Variants in TPRG1 observed in about 807,000 individuals in gnomAD.
TPRG1 encodes the protein tumor protein p63 regulated 1.
A neutral mutation model predicts 29.3 loss-of-function variants in TPRG1; 29 were observed. That is an observed-to-expected ratio of 0.99 (90% confidence interval 0.74 to 1.35). The LOEUF (loss-of-function observed/expected upper bound fraction) is 1.35, where lower values mean the gene tolerates loss of function less well. TPRG1 is among the 40% of genes most tolerant of loss of function. The pLI is 0.00. For synonymous variants in TPRG1, 130 were observed against 116.8 expected (o/e 1.11, Z -0.73); for missense variants, 327 against 335.0 (o/e 0.98, Z 0.19).
intron 3 of TPRG1, among the ~76,000 whole-genome samples, chr3:189,022,210 C>G (rs1414634767): frequency 2.0e-5 from 3 of 152,110 alleles, no homozygotes; most frequent in Non-Finnish European, 4.4e-5. Context: ...ATTTGATCGT[C>G]TGAAGTCTTC....
chr3:189,198,248 G>C (rs931376284), intron 1 of TPRG1, among the ~76,000 whole-genome samples: 2 of 152,132 alleles, frequency 1.3e-5, no homozygotes, highest in Non-Finnish European at 2.9e-5. Context: ...TGTACAGTCA[G>C]CTCTGAGGTG....
At chr3:189,277,996 T>C (rs1216770973) in intron 4 of TPRG1, among the ~76,000 whole-genome samples, 2 of 152,218 alleles carry the variant, frequency 1.3e-5, no homozygotes, top group African/African-American at 4.8e-5. Flanking sequence ...TTTGTATCCA[T>C]AAGCACCTTT....
At chr3:189,166,491 C>G (rs377298029) in intron 5 of TPRG1, among the ~76,000 whole-genome samples, 18 of 152,130 alleles carry the variant, frequency 1.2e-4, no homozygotes, top group Non-Finnish European at 1.5e-5. Flanking sequence ...CAAAGGATAC[C>G]GAGGGAAACT....
At chr3:189,039,415 T>A (rs543901066) in intron 4 of TPRG1, among the ~76,000 whole-genome samples, 1 of 152,258 alleles carries the variant, frequency 6.6e-6, no homozygotes, top group South Asian at 2.1e-4. Flanking sequence ...ACATGAATGA[T>A]GTTAGAAATT....
chr3:189,187,785 T>C (rs1029405806), intron 1 of TPRG1, among the ~76,000 whole-genome samples: 4 of 152,228 alleles, frequency 2.6e-5, no homozygotes, highest in Non-Finnish European at 5.9e-5. Flanking sequence ...AATATGCTGG[T>C]CTATTTTGTG....
At chr3:189,069,000 G>C (rs1393784641) in intron 4 of TPRG1, among the ~76,000 whole-genome samples, 3 of 152,002 alleles carry the variant, frequency 2.0e-5, no homozygotes, top group Non-Finnish European at 4.4e-5. Flanking sequence ...TTACCAGATG[G>C]GCATTTATTC....
At chr3:189,234,618 C>G (rs1031902960) in intron 3 of TPRG1, among the ~76,000 whole-genome samples, 2 of 152,176 alleles carry the variant, frequency 1.3e-5, no homozygotes, top group East Asian at 1.9e-4. Flanking sequence ...GTTCCCCAAA[C>G]AGCATGAACC....
upstream of TPRG1, among the ~76,000 whole-genome samples, chr3:189,169,862 A>T (rs1728603102): frequency 6.6e-6 from 1 of 152,302 alleles, no homozygotes; most frequent in South Asian, 2.1e-4. Flanking sequence ...GCAGCTGAGC[A>T]GGGACCAGAG....
intron 1 of TPRG1, among the ~76,000 whole-genome samples, chr3:189,113,016 T>C (rs1720735400): frequency 6.6e-6 from 1 of 152,182 alleles, no homozygotes; most frequent in Non-Finnish European, 1.5e-5. Flanking sequence ...GAGCATGGAA[T>C]GTTCTTCCAT....
intron 1 of TPRG1, among the ~76,000 whole-genome samples, chr3:189,104,584 T>C (rs1367057309): frequency 6.6e-6 from 1 of 151,940 alleles, no homozygotes; most frequent in Non-Finnish European, 1.5e-5. Flanking sequence ...AAAGCCCCGA[T>C]TTGTACCTAT....
chr3:189,279,175 T>C (rs1263111768), intron 4 of TPRG1, among the ~76,000 whole-genome samples: 1 of 152,184 alleles, frequency 6.6e-6, no homozygotes, highest in Non-Finnish European at 1.5e-5. Flanking sequence ...TAAATCTTTA[T>C]TTACAATAAC....
At chr3:189,318,533 C>A (rs1723905855) in intron 5 of TPRG1, among the ~76,000 whole-genome samples, 1 of 152,036 alleles carries the variant, frequency 6.6e-6, no homozygotes, top group African/African-American at 2.4e-5. Flanking sequence ...AAGTGATTTT[C>A]ATTTAAAAAG....
intron 4 of TPRG1, among the ~76,000 whole-genome samples, chr3:189,301,847 C>T (rs1375115283): frequency 2.0e-5 from 3 of 152,188 alleles, no homozygotes; most frequent in Non-Finnish European, 2.9e-5. Flanking sequence ...ACTGACTCCT[C>T]AGTGACTCCT....
At chr3:189,173,004 C>G (rs979350712) in intron 1 of TPRG1, among the ~76,000 whole-genome samples, 3 of 152,214 alleles carry the variant, frequency 2.0e-5, no homozygotes, top group African/African-American at 7.2e-5. Context: ...TTCAAATACA[C>G]TCATGCAATT....
At chr3:189,137,514 TCC>T (rs888052497) in intron 3 of TPRG1, among the ~76,000 whole-genome samples, 11 of 152,174 alleles carry the variant, frequency 7.2e-5, no homozygotes, top group African/African-American at 1.9e-4. Flanking sequence ...GATGTGAGCA[TCC>T]AGGCCCTGCT....
intron 1 of TPRG1, among the ~76,000 whole-genome samples, chr3:189,104,056 G>A (rs1339686127): frequency 1.3e-5 from 2 of 152,134 alleles, no homozygotes; most frequent in African/African-American, 2.4e-5. Flanking sequence ...TAAAGATAGA[G>A]GATGAGCCAA....
chr3:189,125,708 C>T (rs771520510), intron 1 of TPRG1, among the ~76,000 whole-genome samples: 4 of 152,002 alleles, frequency 2.6e-5, no homozygotes. Context: ...GGCCCCAGAT[C>T]TCAGAAAAGA....
At chr3:189,169,837 C>T (rs1728599485), upstream of TPRG1, among the ~76,000 whole-genome samples, 1 of 152,154 alleles carries the variant, frequency 6.6e-6, no homozygotes, top group Non-Finnish European at 1.5e-5. Context: ...AGCTACTTGC[C>T]TCTGATCCCA....
intron 4 of TPRG1, among the ~76,000 whole-genome samples, chr3:189,280,211 G>A (rs543866996): frequency 4.1e-4 from 62 of 151,288 alleles, no homozygotes; most frequent in Non-Finnish European, 7.5e-4. Context: ...AGTGAAAGCA[G>A]CCACGGGCAA....
Sources: allele counts gnomAD v4.1 joint callset (sites outside exome capture counted in the v4.1 genomes callset), GRCh38; gene constraint gnomAD v4.1.1; transcripts MANE v1.5; gene names NCBI Gene and HGNC (gene_info 2026-07-23, HGNC 2026-07-21).